The following VSTM1 variants were observed in gnomAD, a reference collection of about 807,000 sequenced individuals.
The protein encoded by VSTM1 is V-set and transmembrane domain-containing protein 1.
In VSTM1, 27 loss-of-function variants were observed where a neutral mutation model predicts 33.1. That is an observed-to-expected ratio of 0.82 (90% CI 0.60 to 1.12). The LOEUF (loss-of-function observed/expected upper bound fraction) is 1.12, where lower values mean the gene tolerates loss of function less well. VSTM1 is among the 50% of genes most tolerant of loss of function. The pLI is 0.00. For synonymous variants in VSTM1, 115 were observed against 110.3 expected, an observed-to-expected ratio of 1.04 and a Z score of -0.27; for missense variants, 304 against 288.9, an observed-to-expected ratio of 1.05 and a Z score of -0.38.
At chr19:54,048,799 C>A (rs894796213) in intron 4 of VSTM1, among the ~76,000 whole-genome samples, 6 of 151,940 alleles carry the variant, frequency 3.9e-5, no homozygotes, top group African/African-American at 7.2e-5. Context: ...AAAAGAAGAA[C>A]GGGGCCAGGC....
intron 1 of VSTM1, among the ~76,000 whole-genome samples, chr19:54,062,447 G>A (rs1354819617): frequency 6.6e-6 from 1 of 152,158 alleles, no homozygotes; most frequent in Non-Finnish European, 1.5e-5. Flanking sequence ...AAATAGCCGG[G>A]TGCAGTGGCT....
At chr19:54,050,248 C>T (rs2070776122) in intron 4 of VSTM1, among the ~76,000 whole-genome samples, 1 of 151,942 alleles carries the variant, frequency 6.6e-6, no homozygotes, top group Non-Finnish European at 1.5e-5. Context: ...ATCCGCCCAC[C>T]TCGGCCTCCC....
intron 1 of VSTM1, 73 bp downstream of exon 1, chr19:54,063,671 C>T: frequency 6.3e-7 from 1 of 1,581,534 alleles, no homozygotes; most frequent in Non-Finnish European, 8.7e-7. Context: ...ACCGCATTTC[C>T]ACCTGGACTG....
chr19:54,061,016 CTTTTTTTT>C (rs10693760), intron 1 of VSTM1, among the ~76,000 whole-genome samples: 1 of 115,028 alleles, frequency 8.7e-6, no homozygotes, highest in Non-Finnish European at 1.7e-5. Context: ...TTTTTCTTTT[CTTTTTTTT>C]TTTTTTTTTT....
chr19:54,061,511 G>T (rs1455375426), intron 1 of VSTM1, among the ~76,000 whole-genome samples: 1 of 152,174 alleles, frequency 6.6e-6, no homozygotes, highest in African/African-American at 2.4e-5. Context: ...GAGACACACA[G>T]AAGGAAGACG....
intron 4 of VSTM1, among the ~76,000 whole-genome samples, chr19:54,045,740 C>G (rs181083565): frequency 6.6e-6 from 1 of 152,202 alleles, no homozygotes; most frequent in African/African-American, 2.4e-5. Flanking sequence ...TCTTGCAACT[C>G]TATCACCTAT....
intron 1 of VSTM1, among the ~76,000 whole-genome samples, chr19:54,059,052 CTTCT>C (rs1194757092): frequency 1.9e-4 from 26 of 134,804 alleles, no homozygotes; most frequent in African/African-American, 6.8e-4. Flanking sequence ...CCAGCAACTT[CTTCT>C]TTCTTTTTTT....
rs34017003 is a variant in VSTM1 at position 54,052,981 on chromosome 19, CAAA to C, written c.356-1536_356-1534del. 2.8e-3 allele frequency: 142 copies of C among 50,818 alleles called. No homozygotes were observed. In the South Asian group the frequency reaches 0.03, roughly 11 times the overall value. 3.1% of individuals were successfully genotyped at this position (50,818 alleles called of 1,614,324 possible). On this transcript the variant is annotated intron_variant, in intron 3 of 8. Transcript: ENST00000338372. ...TGGGCAACCGAGTGGGACCCTGTCT[CAAA>C]AAAAAAAAAAAAAAAAAAAGCAGCC...
Position 54,042,075 on chromosome 19 carries a change from G to A in VSTM1, c.515+94C>T, listed in dbSNP as rs555514477. 9.9e-4 allele frequency: 1,590 copies of A among 1,606,560 alleles called. 12 individuals are homozygous for A. In the South Asian group the frequency reaches 0.014, roughly 14 times the overall value. On this transcript the variant is annotated intron_variant, in intron 6 of 8. Transcript: ENST00000338372. ...GAGGAAGGTCACAGAATGGGCTGGG[G>A]TGGGGGCTCAGGGTGCCAATCCCGG...
chr19:54,040,858 A>G lies in VSTM1; in HGVS notation c.*103T>C. Reference sequence around the variant, plus strand: ...TAAGACGAGAAACTTAATTTTATTGATATGGACGAAGAGCAAGGAAACACA... The same window carrying G: ...TAAGACGAGAAACTTAATTTTATTGGTATGGACGAAGAGCAAGGAAACACA... On this transcript the variant is annotated 3_prime_UTR_variant, in exon 9 of 9. Coordinates refer to ENST00000338372, the MANE Select transcript of VSTM1 (RefSeq NM_198481.4). The G allele has an allele frequency of 7.0e-7, 1 of 1,438,556 alleles. No homozygotes were observed. Among genetic ancestry groups the G allele is most frequent in the Non-Finnish European group, 9.3e-7 (1 of 1,077,360 alleles). 89.1% of individuals were successfully genotyped at this position (1,438,556 alleles called of 1,614,324 possible). A position where few individuals can be genotyped will look rare whatever the true frequency, so the allele number is the denominator to read the frequency against.
At position 54,058,350 on chromosome 19, in the gene VSTM1, T is replaced by C; in HGVS notation, c.311A>G (p.His104Arg). The C allele has an allele frequency of 6.2e-7, 1 of 1,614,086 alleles. No individual in the cohort carries two copies. The highest frequency in any genetic ancestry group is 8.5e-7 in the Non-Finnish European group (1 of 1,180,018). ...YFCAYKTTAS[H>R]EWSESSEHLQ... ...GTGTTCACTGCTTTCTGACCACTCA[T>C]GGGAGGCTGTTGTCTTGTAGGCACA... Residue 104 changes from histidine (H) to arginine (R), a missense_variant, in exon 3 of 9, where the codon CAT becomes CGT. His to Arg is a conservative substitution (Grantham distance 29). Coordinates refer to ENST00000338372, the MANE Select transcript of VSTM1 (RefSeq NM_198481.4).
chr19:54,051,266 T>C, intron 4 of VSTM1, 144 bp downstream of exon 4: 1 of 773,436 alleles, frequency 1.3e-6, no homozygotes, highest in Non-Finnish European at 2.0e-6. Flanking sequence ...TACTCCAGCC[T>C]TGGTGACAAA....
In VSTM1 at chr19:54,058,442, G is replaced by A; in HGVS notation, c.219C>T (p.Ser73=). Residue 73 remains serine (S), a synonymous_variant, in exon 3 of 9, where the codon AGC becomes AGT. Coordinates refer to ENST00000338372, the MANE Select transcript of VSTM1 (RefSeq NM_198481.4). The stretch of plus-strand genomic sequence containing the variant: ...GGAATTCAGCTTCGTTTTCTGCCGA[G>A]CTCTGTTCCTGCTTGTACCCAGAGT... ...VNDSGYKQEQ[S]SAENEAEFPF... is the part of the protein sequence containing the mutation. 2 of 1,614,060 alleles carry A rather than the reference G, an allele frequency of 1.2e-6. No homozygotes were observed. The highest frequency in any genetic ancestry group is 1.7e-6 in the Non-Finnish European group (2 of 1,180,022).
chr19:54,061,916 G>A (rs1421551163), intron 1 of VSTM1, among the ~76,000 whole-genome samples: 2 of 152,196 alleles, frequency 1.3e-5, no homozygotes, highest in African/African-American at 4.8e-5. Context: ...AACAGTTTGG[G>A]AGGCTGAGGC....
chr19:54,062,001 C>T (rs1213919673), intron 1 of VSTM1, among the ~76,000 whole-genome samples: 2 of 151,600 alleles, frequency 1.3e-5, no homozygotes. Context: ...ACTAAAAATA[C>T]AAAAATTAGC....
At position 54,058,439 on chromosome 19, in the gene VSTM1, C is replaced by T. The variant is rs200657791; in HGVS notation, c.222G>A (p.Ser74=). 45 of 1,613,976 alleles carry T rather than the reference C, an allele frequency of 2.8e-5. No individual in the cohort carries two copies. The highest frequency in any genetic ancestry group is 2.3e-4 in the African/African-American group (17 of 74,988). Residue 74 remains serine (S), a synonymous_variant, in exon 3 of 9, where the codon TCG becomes TCA. Coordinates refer to ENST00000338372, the MANE Select transcript of VSTM1 (RefSeq NM_198481.4). ...AGGGGAATTCAGCTTCGTTTTCTGCCGAGCTCTGTTCCTGCTTGTACCCAG... is the reference window on the plus strand; with the variant it reads ...AGGGGAATTCAGCTTCGTTTTCTGCTGAGCTCTGTTCCTGCTTGTACCCAG... ...NDSGYKQEQS[S]AENEAEFPFT...
At chr19:54,059,388 G>A (rs766331135) in intron 1 of VSTM1, among the ~76,000 whole-genome samples, 26 of 151,754 alleles carry the variant, frequency 1.7e-4, no homozygotes, top group Non-Finnish European at 3.1e-4. Flanking sequence ...GTATTGAATT[G>A]CTTTCATGAG....
rs375946590 is a variant in VSTM1, at chr19:54,058,551, G to C, written c.110C>G (p.Ser37Trp). 1.9e-6 allele frequency: 3 copies of C among 1,613,440 alleles called. No individual in the cohort carries two copies. The highest frequency in any genetic ancestry group is 2.7e-5 in the African/African-American group (2 of 74,784). ...CACATTGCTCTCGGCTTCAACCACC[G>C]AGCTGGGCCAGGCGTGGAGGGAGGG... ...PKPSLHAWPS[S>W]VVEAESNVTL... The change falls in exon 3 of 9, where the codon TCG becomes TGG. Residue 37 changes from serine to tryptophan, a missense_variant. Transcript: ENST00000338372.
intron 1 of VSTM1, among the ~76,000 whole-genome samples, chr19:54,063,128 A>G (rs1436967262): frequency 6.6e-6 from 1 of 152,026 alleles, no homozygotes; most frequent in East Asian, 1.9e-4. Context: ...ACCTGAGGTC[A>G]GGGGCTCGAG....
Sources: gnomAD v4.1 joint callset for allele counts (sites outside exome capture counted in the v4.1 genomes callset) on GRCh38, gnomAD v4.1.1 for gene constraint, MANE v1.5 for transcripts, NCBI Gene and HGNC (gene_info 2026-07-23, HGNC 2026-07-21) for gene names.